Variants in KIF20B observed in about 807,000 individuals in gnomAD.
KIF20B encodes kinesin family member 20B.
In KIF20B, 188 loss-of-function variants were observed where a neutral mutation model predicts 232.5. The observed-to-expected ratio is 0.81, with a 90% CI of 0.72 to 0.91. The LOEUF (loss-of-function observed/expected upper bound fraction) is 0.91. KIF20B is among the 40% of genes least tolerant of loss of function. The pLI is 0.00. For synonymous variants in KIF20B, 712 were observed against 683.0 expected, an observed-to-expected ratio of 1.04 and a Z score of -0.66; for missense variants, 2,154 against 2,055.9, an observed-to-expected ratio of 1.05 and a Z score of -0.92.
chr10:89,747,402 C>A (rs1408662963), intron 23 of KIF20B, among the ~76,000 whole-genome samples: 3 of 151,988 alleles, frequency 2.0e-5, no homozygotes, highest in Non-Finnish European at 4.4e-5. Context: ...ACCCAAAGGA[C>A]TATAAATCAT....
chr10:89,741,458 T>C (rs1841792206), intron 21 of KIF20B, among the ~76,000 whole-genome samples: 1 of 152,214 alleles, frequency 6.6e-6, no homozygotes, highest in South Asian at 2.1e-4. Flanking sequence ...ACTCTAATGA[T>C]GGGTATTAAA....
At chr10:89,748,133 C>G (rs983509878) in intron 23 of KIF20B, among the ~76,000 whole-genome samples, 1 of 152,216 alleles carries the variant, frequency 6.6e-6, no homozygotes, top group African/African-American at 2.4e-5. Context: ...CCTCAGCCTC[C>G]TGAGTAGCTG....
intron 9 of KIF20B, among the ~76,000 whole-genome samples, chr10:89,716,750 A>G (rs1452490861): frequency 1.3e-5 from 2 of 152,256 alleles, no homozygotes; most frequent in Non-Finnish European, 2.9e-5. Flanking sequence ...TTATTAATTT[A>G]TAGGAAATCT....
intron 2 of KIF20B, among the ~76,000 whole-genome samples, chr10:89,706,550 G>A (rs1397155579): frequency 2.0e-5 from 3 of 150,744 alleles, no homozygotes; most frequent in Non-Finnish European, 3.0e-5. Flanking sequence ...TTATATCTGT[G>A]GTCCATTTTG....
intron 31 of KIF20B, among the ~76,000 whole-genome samples, chr10:89,770,847 C>T (rs1157410360): frequency 6.6e-6 from 1 of 152,004 alleles, no homozygotes; most frequent in Non-Finnish European, 1.5e-5. Flanking sequence ...TCATACATGA[C>T]AGAATGTTCT....
intron 23 of KIF20B, among the ~76,000 whole-genome samples, chr10:89,747,032 A>G (rs937883023): frequency 7.9e-5 from 12 of 152,264 alleles, no homozygotes; most frequent in Admixed American, 2.0e-4. Context: ...GAAATTGTGT[A>G]AAGAATAAAC....
In KIF20B at chr10:89,754,554, T is replaced by G; in HGVS notation, c.4384T>G (p.Trp1462Gly). The G allele has an allele frequency of 6.2e-7, 1 of 1,600,206 alleles. No individual in the cohort carries two copies. Among genetic ancestry groups the G allele is most frequent in the Admixed American group, 1.7e-5 (1 of 58,436 alleles). ...EQKYNADRKK[W>G]LEEKMMLITQ... ...GAAATATAATGCTGATAGAAAGAAA[T>G]GGTTAGAAGAAAAAATGATGCTTAT... Residue 1462 changes from tryptophan (W) to glycine (G), a missense_variant, in exon 26 of 33, where the codon TGG becomes GGG. Transcript: ENST00000371728.
chr10:89,741,937 T>C (rs1162743804), intron 21 of KIF20B, among the ~76,000 whole-genome samples: 1 of 152,224 alleles, frequency 6.6e-6, no homozygotes, highest in Non-Finnish European at 1.5e-5. Flanking sequence ...ACTTTTATTT[T>C]ACTTAATAAT....
chr10:89,705,957 G>C (rs1842714356), intron 2 of KIF20B, among the ~76,000 whole-genome samples: 1 of 152,110 alleles, frequency 6.6e-6, no homozygotes, highest in South Asian at 2.1e-4. Flanking sequence ...ACAGTTTGAG[G>C]TCATTATAAA....
At chr10:89,753,013 A>T (rs1842051327) in intron 25 of KIF20B, among the ~76,000 whole-genome samples, 1 of 152,212 alleles carries the variant, frequency 6.6e-6, no homozygotes, top group African/African-American at 2.4e-5. Flanking sequence ...TACTCATCAA[A>T]TACTGCTGTG....
At chr10:89,773,368 T>TA (rs1034071711) in intron 32 of KIF20B, among the ~76,000 whole-genome samples, 31 of 151,822 alleles carry the variant, frequency 2.0e-4, no homozygotes, top group African/African-American at 7.0e-4. Flanking sequence ...AAAGTGAAGG[T>TA]AAAAAAATAA....
rs571290682 is a variant in KIF20B at position 89,734,845 on chromosome 10, G to C, written c.2545+1789G>C. ...AGCAGTGCTGTCAGTTAAGGGCTTT[G>C]TAATGTAACAAACTGATATGTTAAG... On this transcript the variant is annotated intron_variant, in intron 19 of 32. Coordinates refer to ENST00000371728, the MANE Select transcript of KIF20B (RefSeq NM_001284259.2). 3.3e-5 allele frequency among the ~76,000 whole-genome samples: 5 copies of C among 152,302 alleles called. No homozygotes were observed. In the South Asian group the frequency reaches 1.0e-3, roughly 32 times the overall value.
chr10:89,706,962 G>C (rs1389348348), intron 2 of KIF20B, among the ~76,000 whole-genome samples: 1 of 152,122 alleles, frequency 6.6e-6, no homozygotes, highest in Non-Finnish European at 1.5e-5. Context: ...TTTTGACTGG[G>C]ATTGCATTAA....
intron 2 of KIF20B, among the ~76,000 whole-genome samples, chr10:89,707,101 C>G (rs979662640): frequency 6.6e-6 from 1 of 152,038 alleles, no homozygotes; most frequent in African/African-American, 2.4e-5. Context: ...AATGTAGAGG[C>G]CTTTCGTGTC....
At chr10:89,738,693 A>T in intron 20 of KIF20B, 76 bp downstream of exon 20, 1 of 1,450,012 alleles carries the variant, frequency 6.9e-7, no homozygotes, top group Non-Finnish European at 9.1e-7. Context: ...AAAAAGTTAG[A>T]TAGTCATACT....
Position 89,760,607 on chromosome 10 carries a change from A to G in KIF20B, c.4762A>G (p.Ser1588Gly). Residue 1588 changes from serine to glycine, a missense_variant, in exon 28 of 33, where the codon AGT becomes GGT. Ser to Gly is a moderately conservative substitution (Grantham distance 56). Coordinates refer to ENST00000371728, the MANE Select transcript of KIF20B (RefSeq NM_001284259.2). ...DKLQTEPLSTSFEISRNKIED... is the reference protein window; with the variant it reads ...DKLQTEPLSTGFEISRNKIED... ...ACTTCAAACTGAACCTCTATCGACA[A>G]GTTTTGAAATTTCCAGAAATAAAAT... 1.2e-6 allele frequency: 2 copies of G among 1,610,906 alleles called. No homozygotes were observed. Among genetic ancestry groups the G allele is most frequent in the South Asian group, 2.2e-5 (2 of 91,010 alleles).
intron 19 of KIF20B, among the ~76,000 whole-genome samples, chr10:89,734,198 T>G (rs751108160): frequency 1.3e-5 from 2 of 151,820 alleles, no homozygotes; most frequent in African/African-American, 4.8e-5. Flanking sequence ...TTCCCTGAGG[T>G]CAGGAGTTTG....
chr10:89,724,628 G>A (rs2133106539), intron 14 of KIF20B, among the ~76,000 whole-genome samples: 1 of 152,038 alleles, frequency 6.6e-6, no homozygotes, highest in South Asian at 2.1e-4. Flanking sequence ...TTGAGATGGA[G>A]TCTTGTGCTG....
chr10:89,765,659 C>T (rs891862621), intron 29 of KIF20B, among the ~76,000 whole-genome samples: 16 of 152,136 alleles, frequency 1.1e-4, no homozygotes, highest in African/African-American at 3.6e-4. Flanking sequence ...GTAACCAAAA[C>T]AGCATGGTAC....
Sources: gnomAD v4.1 joint callset for allele counts (sites outside exome capture counted in the v4.1 genomes callset) on GRCh38, gnomAD v4.1.1 for gene constraint, MANE v1.5 for transcripts, NCBI Gene and HGNC (gene_info 2026-07-23, HGNC 2026-07-21) for gene names.